Variants in TMEM132C observed in about 807,000 individuals in gnomAD.
TMEM132C encodes the protein transmembrane protein 132C.
A neutral mutation model predicts 61.4 loss-of-function variants in TMEM132C; 29 were observed. The observed-to-expected ratio is 0.47, with a 90% CI of 0.35 to 0.64. TMEM132C has a LOEUF of 0.64. Among genes scored for constraint, TMEM132C ranks in the 30% least tolerant of loss-of-function variants. The pLI is 0.00. For missense variants in TMEM132C, 1,408 were observed against 1,476.9 expected, an observed-to-expected ratio of 0.95 and a Z score of 0.76; for synonymous variants, 656 against 633.1, an observed-to-expected ratio of 1.04 and a Z score of -0.54.
chr12:128,488,400 C>A (rs1871576839), intron 2 of TMEM132C, among the ~76,000 whole-genome samples: 1 of 152,178 alleles, frequency 6.6e-6, no homozygotes, highest in Admixed American at 6.6e-5. Context: ...GTGGCTCACA[C>A]CTGTAATCCC....
At chr12:128,362,057 T>G (rs879882108) in intron 1 of TMEM132C, among the ~76,000 whole-genome samples, 61 of 149,042 alleles carry the variant, frequency 4.1e-4, no homozygotes, top group Admixed American at 1.9e-3. Context: ...GAAGATTCTT[T>G]TTAGATATCA....
chr12:128,488,043 G>A (rs1871565130), intron 2 of TMEM132C, among the ~76,000 whole-genome samples: 3 of 152,284 alleles, frequency 2.0e-5, no homozygotes, highest in South Asian at 4.1e-4. Flanking sequence ...CTCTCTAATG[G>A]GAAAGAGCAG....
chr12:128,386,435 T>A (rs1000427183), intron 1 of TMEM132C, among the ~76,000 whole-genome samples: 1 of 152,312 alleles, frequency 6.6e-6, no homozygotes, highest in Non-Finnish European at 1.5e-5. Context: ...TCCCTCCACA[T>A]TTTCCCTTTC....
intron 1 of TMEM132C, among the ~76,000 whole-genome samples, chr12:128,313,910 TAA>T (rs1872060319): frequency 6.6e-6 from 1 of 152,230 alleles, no homozygotes; most frequent in Non-Finnish European, 1.5e-5. Context: ...ATTTTTCCCC[TAA>T]GAGAGTCTTT....
intron 5 of TMEM132C, among the ~76,000 whole-genome samples, chr12:128,670,170 T>C (rs541783270): frequency 0.31 from 47,403 of 151,912 alleles, 7,794 homozygotes; most frequent in African/African-American, 0.43. Flanking sequence ...ATTAGCTGGG[T>C]GTGATGGTGC....
intron 4 of TMEM132C, among the ~76,000 whole-genome samples, chr12:128,650,398 CT>C (rs1954256182): frequency 6.6e-6 from 1 of 152,020 alleles, no homozygotes; most frequent in South Asian, 2.1e-4. Context: ...TATTGTAAGA[CT>C]TTTAATATGG....
chr12:128,628,731 C>T (rs181710471), intron 4 of TMEM132C, among the ~76,000 whole-genome samples: 9 of 152,286 alleles, frequency 5.9e-5, no homozygotes, highest in South Asian at 2.1e-4. Context: ...CTGCTCCACC[C>T]GGAGGCGAGG....
chr12:128,500,747 G>T (rs1266162719), intron 2 of TMEM132C, among the ~76,000 whole-genome samples: 1 of 152,158 alleles, frequency 6.6e-6, no homozygotes, highest in Non-Finnish European at 1.5e-5. Context: ...CATGGTACAA[G>T]ATGCTATGGA....
chr12:128,286,767 C>T (rs1871085374), intron 1 of TMEM132C, among the ~76,000 whole-genome samples: 1 of 152,110 alleles, frequency 6.6e-6, no homozygotes, highest in Non-Finnish European at 1.5e-5. Flanking sequence ...AGTTCCCATC[C>T]AGTCCATGCA....
chr12:128,558,745 C>G (rs1490635248), intron 3 of TMEM132C, among the ~76,000 whole-genome samples: 2 of 152,250 alleles, frequency 1.3e-5, no homozygotes, highest in African/African-American at 4.8e-5. Flanking sequence ...TACTCCCACC[C>G]TCAGGGCAAC....
intron 2 of TMEM132C, among the ~76,000 whole-genome samples, chr12:128,514,899 G>A (rs537190834): frequency 1.3e-5 from 2 of 152,298 alleles, no homozygotes; most frequent in African/African-American, 4.8e-5. Flanking sequence ...AATGAAACCT[G>A]TAAATACAGT....
chr12:128,359,846 G>A (rs74721015), intron 1 of TMEM132C, among the ~76,000 whole-genome samples: 3,094 of 152,212 alleles, frequency 0.02, 103 homozygotes, highest in African/African-American at 0.069. Flanking sequence ...TAAAGATAGC[G>A]GCTAATTAGT....
intron 2 of TMEM132C, among the ~76,000 whole-genome samples, chr12:128,482,596 A>T (rs1444785076): frequency 6.6e-6 from 1 of 152,260 alleles, no homozygotes; most frequent in South Asian, 2.1e-4. Flanking sequence ...CTGTGAATTC[A>T]TCTGGTTCTG....
At chr12:128,300,956 T>C (rs1593002954) in intron 1 of TMEM132C, among the ~76,000 whole-genome samples, 1 of 152,052 alleles carries the variant, frequency 6.6e-6, no homozygotes, top group Non-Finnish European at 1.5e-5. Flanking sequence ...TGGGAGGATA[T>C]CTTGAGCTCA....
intron 2 of TMEM132C, among the ~76,000 whole-genome samples, chr12:128,446,231 G>A (rs138909908): frequency 1.7e-4 from 26 of 152,302 alleles, no homozygotes; most frequent in African/African-American, 6.3e-4. Flanking sequence ...GTGACAGTGG[G>A]GAAGAGCTAC....
intron 4 of TMEM132C, among the ~76,000 whole-genome samples, chr12:128,627,638 T>C (rs1033057153): frequency 2.0e-5 from 3 of 152,110 alleles, no homozygotes; most frequent in Non-Finnish European, 4.4e-5. Context: ...AGGCATTATC[T>C]TGTGAACATT....
At chr12:128,666,050 AACACAGGCACTCATACACAAAC>A (rs1954467470) in intron 4 of TMEM132C, among the ~76,000 whole-genome samples, 1 of 77,614 alleles carries the variant, frequency 1.3e-5, no homozygotes, top group Admixed American at 1.4e-4. Flanking sequence ...CTCATACACA[AACACAGGCACTCATACACAAAC>A]ACACAGGCAC....
chr12:128,681,495 G>C (rs552208345), intron 5 of TMEM132C, among the ~76,000 whole-genome samples: 56 of 152,014 alleles, frequency 3.7e-4, no homozygotes, highest in Non-Finnish European at 6.8e-4. Flanking sequence ...AGATTTCCTG[G>C]CTTCTGGGAT....
At chr12:128,417,770 A>G (rs994679284) in intron 2 of TMEM132C, among the ~76,000 whole-genome samples, 3 of 152,194 alleles carry the variant, frequency 2.0e-5, no homozygotes, top group Non-Finnish European at 2.9e-5. Flanking sequence ...CACCCGTCAA[A>G]CCTTCAATAA....
Sources: allele counts gnomAD v4.1 joint callset (sites outside exome capture counted in the v4.1 genomes callset), GRCh38; gene constraint gnomAD v4.1.1; transcripts MANE v1.5; gene names NCBI Gene and HGNC (gene_info 2026-07-23, HGNC 2026-07-21).